RDM1: variants seen among roughly 807,000 people sequenced by gnomAD.
RDM1 encodes RAD52 motif containing 1.
In RDM1, 28 loss-of-function variants were observed where a neutral mutation model predicts 27.7. The observed-to-expected ratio is 1.01, with a 90% confidence interval of 0.75 to 1.39. RDM1 has a LOEUF of 1.39. RDM1 is among the 40% of genes most tolerant of loss of function. RDM1 has a pLI of 0.00. For synonymous variants in RDM1, 124 were observed against 127.5 expected, an observed-to-expected ratio of 0.97 and a Z score of 0.19; for missense variants, 277 against 337.3, an observed-to-expected ratio of 0.82 and a Z score of 1.40.
intron 6 of RDM1, among the ~76,000 whole-genome samples, chr17:35,918,830 T>C (rs1016566845): frequency 1.3e-5 from 2 of 152,238 alleles, no homozygotes; most frequent in Admixed American, 1.3e-4. Context: ...GCTGACTTCC[T>C]CCACAGCCAT....
intron 3 of RDM1, among the ~76,000 whole-genome samples, chr17:35,925,248 AGATTT>A (rs2089099646): frequency 1.3e-5 from 2 of 152,256 alleles, no homozygotes. Context: ...AAATCAAGTT[AGATTT>A]GCAAATGAAT....
At chr17:35,921,610 G>T (rs913232756) in intron 5 of RDM1, among the ~76,000 whole-genome samples, 1 of 152,212 alleles carries the variant, frequency 6.6e-6, no homozygotes, top group Non-Finnish European at 1.5e-5. Context: ...CTTGCCCAAT[G>T]TGTCAGTGCC....
At chr17:35,920,072 G>T in intron 6 of RDM1, 115 bp downstream of exon 6, 1 of 579,302 alleles carries the variant, frequency 1.7e-6, no homozygotes. Context: ...CTCAAAAGTA[G>T]TATCAGTTTC....
intron 2 of RDM1, 95 bp downstream of exon 2, chr17:35,929,981 A>G: frequency 8.6e-7 from 1 of 1,169,422 alleles, no homozygotes; most frequent in Non-Finnish European, 1.2e-6. Flanking sequence ...GCATCTGAAA[A>G]TATTCTGTAA....
intron 5 of RDM1, among the ~76,000 whole-genome samples, chr17:35,921,493 G>C (rs1255728736): frequency 6.6e-6 from 1 of 152,176 alleles, no homozygotes; most frequent in Non-Finnish European, 1.5e-5. Context: ...TAAGATTCGT[G>C]CCACTGTAGA....
At position 35,930,678 on chromosome 17, in the gene RDM1, A is replaced by G; in HGVS notation, c.50T>C (p.Leu17Ser). ...FAVPIESDKTLLVWELSSGPT... is the reference protein window; with the variant it reads ...FAVPIESDKTSLVWELSSGPT... ...TCCGGAGCTCAGCTCCCACACTAGC[A>G]AGGTTTTGTCACTCTCGATGGGAAC... is the stretch of plus-strand genomic sequence containing the variant. Residue 17 changes from leucine to serine, a missense_variant, in exon 1 of 7, where the codon TTG becomes TCG. Physicochemically the swap from Leu to Ser is moderately radical, Grantham distance 145. Coordinates refer to ENST00000620284, the MANE Select transcript of RDM1 (RefSeq NM_145654.4). The G allele has an allele frequency of 6.2e-7, 1 of 1,613,596 alleles. No individual in the cohort carries two copies. Among genetic ancestry groups the G allele is most frequent in the Non-Finnish European group, 8.5e-7 (1 of 1,179,870 alleles).
rs767081884 is a variant in RDM1, at chr17:35,930,199, G to T, written c.153C>A (p.Phe51Leu). ...CAGGATGGGCCACTGCAGCATTTGGGAAGACCCGGACTGAATACAGAAGGC... is the reference window on the plus strand; with the variant it reads ...CAGGATGGGCCACTGCAGCATTTGGTAAGACCCGGACTGAATACAGAAGGC... ...QFGLLYSVRVFPNAAVAHPGF... is the reference protein window; with the variant it reads ...QFGLLYSVRVLPNAAVAHPGF... Residue 51 changes from phenylalanine to leucine, a missense_variant, in exon 2 of 7, where the codon TTC becomes TTA. Physicochemically the swap from Phe to Leu is conservative, Grantham distance 22. Coordinates refer to ENST00000620284, the MANE Select transcript of RDM1 (RefSeq NM_145654.4). 1.2e-5 allele frequency: 20 copies of T among 1,614,180 alleles called. 1 individual carries two copies. The South Asian group carries it at 2.1e-4, about 17-fold the overall frequency.
intron 2 of RDM1, among the ~76,000 whole-genome samples, chr17:35,927,508 G>A (rs2089193837): frequency 6.6e-6 from 1 of 152,038 alleles, no homozygotes; most frequent in African/African-American, 2.4e-5. Context: ...ACCCTCTCAG[G>A]TGCCTTAGGC....
chr17:35,929,767 G>C (rs1363411193), intron 2 of RDM1, among the ~76,000 whole-genome samples: 1 of 152,142 alleles, frequency 6.6e-6, no homozygotes, highest in Non-Finnish European at 1.5e-5. Context: ...TTTTTATAGA[G>C]ATGGGGTCTC....
rs991115646 is a variant in RDM1, at chr17:35,930,086, G to A, written c.266C>T (p.Ser89Phe). Residue 89 changes from serine to phenylalanine, a missense_variant, in exon 2 of 7, where the codon TCT becomes TTT. Physicochemically the swap from Ser to Phe is radical, Grantham distance 155. Coordinates refer to ENST00000620284, the MANE Select transcript of RDM1 (RefSeq NM_145654.4). ...ACDRKQLFQK[S>F]PVKVRLGTRH... ...CATATTTGGACCCACCTTGACTGGA[G>A]ATTTCTGAAAAAGCTGCTTCCGGTC... The A allele has an allele frequency of 7.4e-6, 12 of 1,613,394 alleles. No homozygotes were observed. Among genetic ancestry groups the A allele is most frequent in the Non-Finnish European group, 1.0e-5 (12 of 1,179,684 alleles).
Position 35,929,951 on chromosome 17 carries a change from TG to T in RDM1, c.276+124del. The T allele has an allele frequency of 1.3e-5, 12 of 905,302 alleles. No individual in the cohort carries two copies. In the South Asian group the frequency reaches 1.5e-4, roughly 11 times the overall value. The allele number at this position is 905,302 out of a possible 1,614,324, so 56.1% of individuals were successfully genotyped here. A position where few individuals can be genotyped will look rare whatever the true frequency, so the allele number is the denominator to read the frequency against. Reference sequence around the variant, plus strand: ...TCTTCATGTAAAAAACCCAGAGAACTGGAAGATTAGTGTGGCAATGCATCTG... The same window carrying T: ...TCTTCATGTAAAAAACCCAGAGAACTGAAGATTAGTGTGGCAATGCATCTG... On this transcript the variant is annotated intron_variant, in intron 2 of 6. Transcript: ENST00000620284.
Position 35,925,646 on chromosome 17 carries a change from A to C in RDM1, c.277-9T>G. On this transcript the variant is annotated splice_polypyrimidine_tract_variant and intron_variant, in intron 2 of 6. Transcript: ENST00000620284. ...CTGGTGCCAAGACGAACCTAAAATC[A>C]TAGGAGATAGACCCATAAATATCAC... The C allele has an allele frequency of 1.2e-6, 2 of 1,612,030 alleles. No individual in the cohort carries two copies. Among genetic ancestry groups the C allele is most frequent in the Non-Finnish European group, 1.7e-6 (2 of 1,178,548 alleles).
Position 35,929,495 on chromosome 17 carries a change from G to C in RDM1, c.276+581C>G, listed in dbSNP as rs945728055. On this transcript the variant is annotated intron_variant, in intron 2 of 6. Transcript: ENST00000620284. ...CTCACTCTGTCACCCAGGCTAGAGTGCAGTGGCACAATCTCGGGTCACTGC... is the reference window on the plus strand; with the variant it reads ...CTCACTCTGTCACCCAGGCTAGAGTCCAGTGGCACAATCTCGGGTCACTGC... 4.4e-4 allele frequency among the ~76,000 whole-genome samples: 67 copies of C among 152,060 alleles called. 1 individual carries two copies. The highest frequency in any genetic ancestry group is 1.5e-3 in the African/African-American group (62 of 41,330).
Position 35,930,760 on chromosome 17 carries a change from C to A in RDM1, c.-33G>T. The A allele has an allele frequency of 6.2e-7, 1 of 1,603,940 alleles. No homozygotes were observed. The highest frequency in any genetic ancestry group is 8.5e-7 in the Non-Finnish European group (1 of 1,173,482). On this transcript the variant is annotated 5_prime_UTR_variant, in exon 1 of 7. Transcript: ENST00000620284. The stretch of plus-strand genomic sequence containing the variant: ...TCACCGCACCTGCGCGGCTAACCCT[C>A]GCCCCAGCATTGCGCCTGCGCAAGG...
intron 3 of RDM1, among the ~76,000 whole-genome samples, chr17:35,925,300 C>T (rs777410790): frequency 5.3e-5 from 8 of 152,152 alleles, no homozygotes; most frequent in East Asian, 3.8e-4. Context: ...TTATATGCCA[C>T]AAAAACAGTG....
intron 4 of RDM1, 120 bp from the exon 5 acceptor site, chr17:35,922,795 T>C (rs28722787): frequency 0.16 from 124,010 of 761,482 alleles, 10,829 homozygotes; most frequent in South Asian, 0.26. Context: ...TAAGGGCAGA[T>C]GGCACAAGCG....
At position 35,924,162 on chromosome 17, in the gene RDM1, A is replaced by G. The variant is rs2089050902; in HGVS notation, c.568+442T>C. On this transcript the variant is annotated intron_variant, in intron 4 of 6. Coordinates refer to ENST00000620284, the MANE Select transcript of RDM1 (RefSeq NM_145654.4). ...CTTGAGCCCAGAAGTTGGAGGTTAC[A>G]GTGAGCTATGATCATGCTACTGCAT... 2.0e-5 allele frequency among the ~76,000 whole-genome samples: 3 copies of G among 152,148 alleles called. No homozygotes were observed. The South Asian group carries it at 6.2e-4, about 32-fold the overall frequency.
intron 5 of RDM1, among the ~76,000 whole-genome samples, chr17:35,921,087 A>G (rs2088930032): frequency 6.6e-6 from 1 of 152,230 alleles, no homozygotes; most frequent in Admixed American, 6.5e-5. Context: ...TGAACATTTT[A>G]TTGGCAGACA....
rs1321859551 is a variant in RDM1, at chr17:35,930,074, A to C, written c.276+2T>G. On this transcript the variant is annotated splice_donor_variant, in intron 2 of 6. Coordinates refer to ENST00000620284, the MANE Select transcript of RDM1 (RefSeq NM_145654.4). LOFTEE classifies it high-confidence loss of function. ...AGCTAGGAATTCCATATTTGGACCC[A>C]CCTTGACTGGAGATTTCTGAAAAAG... 32 of 1,612,686 alleles carry C rather than the reference A, an allele frequency of 2.0e-5. No individual in the cohort carries two copies. The highest frequency in any genetic ancestry group is 4.0e-5 in the African/African-American group (3 of 74,806).
Sources: gnomAD v4.1 joint callset for allele counts (sites outside exome capture counted in the v4.1 genomes callset) on GRCh38, gnomAD v4.1.1 for gene constraint, MANE v1.5 for transcripts, NCBI Gene and HGNC (gene_info 2026-07-23, HGNC 2026-07-21) for gene names.